Variants in KDM6A observed in about 807,000 individuals in gnomAD.
The protein encoded by KDM6A is lysine-specific demethylase 6A.
In KDM6A, 11 loss-of-function variants were observed where a neutral mutation model predicts 117.6. That is an observed-to-expected ratio of 0.09 (90% CI 0.06 to 0.15). KDM6A has a LOEUF of 0.15. Ranked by LOEUF, KDM6A falls within the 10% of genes least tolerant of loss-of-function variation. The pLI is 1.00. For synonymous variants in KDM6A, 384 were observed against 396.1 expected (o/e 0.97, Z 0.36); for missense variants, 799 against 1,077.3 (o/e 0.74, Z 3.62).
At chrX:44,983,833 C>G in intron 4 of KDM6A, among the ~76,000 whole-genome samples, 1 of 109,644 alleles carries the variant, frequency 9.1e-6, no homozygotes, top group Non-Finnish European at 1.9e-5. Flanking sequence ...GGGTTGGTTC[C>G]AAGTCTTTGC....
chrX:44,912,540 C>A (rs2035276326), intron 2 of KDM6A, among the ~76,000 whole-genome samples: 1 of 112,037 alleles, frequency 8.9e-6, no homozygotes, highest in Non-Finnish European at 1.9e-5. Flanking sequence ...TTGGGAAAAA[C>A]AGTGCTTCAG....
intron 8 of KDM6A, among the ~76,000 whole-genome samples, chrX:45,046,684 G>A (rs933707763): frequency 3.6e-5 from 4 of 111,764 alleles, no homozygotes; most frequent in African/African-American, 1.3e-4. Flanking sequence ...ACTTTTGTTA[G>A]GAGTTAGCTA....
At chrX:45,103,723 A>T (rs2046416168) in intron 27 of KDM6A, among the ~76,000 whole-genome samples, 1 of 111,763 alleles carries the variant, frequency 8.9e-6, no homozygotes, top group Non-Finnish European at 1.9e-5. Context: ...AGATTCTAGT[A>T]TATAACCTCA....
intron 4 of KDM6A, among the ~76,000 whole-genome samples, chrX:44,987,251 A>C (rs773951017): frequency 9.1e-6 from 1 of 110,430 alleles, no homozygotes; most frequent in Non-Finnish European, 1.9e-5. Context: ...TTTGTTTTCC[A>C]TTTGCTTGGT....
intron 4 of KDM6A, among the ~76,000 whole-genome samples, chrX:45,002,193 A>C (rs1345489551): frequency 1.8e-5 from 2 of 110,042 alleles, no homozygotes; most frequent in Non-Finnish European, 3.8e-5. Flanking sequence ...TTCCTGTATG[A>C]TTTTTATACT....
At chrX:45,084,535 T>A (rs1404391385) in intron 24 of KDM6A, among the ~76,000 whole-genome samples, 3 of 111,751 alleles carry the variant, frequency 2.7e-5, no homozygotes, top group Admixed American at 9.5e-5. Flanking sequence ...GCTTAAGAAT[T>A]TTTTCAGAAT....
chrX:44,877,535 GTTTT>G (rs781316436), intron 2 of KDM6A, among the ~76,000 whole-genome samples: 1 of 99,842 alleles, frequency 1.0e-5, no homozygotes, highest in African/African-American at 3.6e-5. Context: ...AACCTTTTGG[GTTTT>G]TTTTTTTTTA....
intron 25 of KDM6A, among the ~76,000 whole-genome samples, chrX:45,088,098 AAAAG>A (rs1199519076): frequency 2.7e-5 from 3 of 111,331 alleles, no homozygotes; most frequent in African/African-American, 6.5e-5. Flanking sequence ...CTTTTGGATA[AAAAG>A]TTTTCTCTAA....
chrX:44,890,848 T>G (rs2033302151), intron 2 of KDM6A, among the ~76,000 whole-genome samples: 1 of 108,210 alleles, frequency 9.2e-6, no homozygotes, highest in Admixed American at 1.0e-4. Context: ...AGAGAGGAGG[T>G]TTCACCATGT....
intron 4 of KDM6A, among the ~76,000 whole-genome samples, chrX:44,990,465 G>T (rs894046307): frequency 3.6e-5 from 4 of 110,164 alleles, no homozygotes; most frequent in Non-Finnish European, 7.6e-5. Flanking sequence ...CAGGAGAATC[G>T]CTTGAACCCT....
At chrX:45,013,359 T>C (rs929247858) in intron 5 of KDM6A, among the ~76,000 whole-genome samples, 8 of 111,914 alleles carry the variant, frequency 7.1e-5, no homozygotes, top group African/African-American at 2.6e-4. Context: ...GGAGGAACTC[T>C]TCTGTTCTAC....
chrX:44,946,214 C>T (rs1295277482), intron 2 of KDM6A, among the ~76,000 whole-genome samples: 2 of 111,502 alleles, frequency 1.8e-5, no homozygotes, highest in Non-Finnish European at 3.8e-5. Context: ...CCTCAGTCTC[C>T]TGAGTAGCTG....
chrX:45,073,038 G>A (rs12013433), intron 18 of KDM6A, among the ~76,000 whole-genome samples: 23,526 of 108,125 alleles, frequency 0.22, 4,329 homozygotes, highest in African/African-American at 0.61. Flanking sequence ...CCACCCCACA[G>A]CAGGCCCCGG....
intron 2 of KDM6A, among the ~76,000 whole-genome samples, chrX:44,896,093 A>G (rs2146642609): frequency 9.9e-6 from 1 of 100,778 alleles, no homozygotes; most frequent in African/African-American, 3.7e-5. Flanking sequence ...TTTTTTTTTG[A>G]GACAGAGTCT....
At position 45,068,823 on chromosome X, in the gene KDM6A, T is replaced by TCTTTCTCTTTCTCTTTCC. The variant is rs1383547449; in HGVS notation, c.2080-751_2080-750insTCTTTCTCTTTCCCTTTC. ...CTCTTTCTCTTTCTCTTTCTCTTTC[T>TCTTTCTCTTTCTCTTTCC]CTTTCCCTTTCCCTTTCCCTTTCCC... On this transcript the variant is annotated intron_variant, in intron 17 of 29. Coordinates refer to ENST00000611820, the MANE Select transcript of KDM6A (RefSeq NM_001291415.2). Among the ~76,000 whole-genome samples the TCTTTCTCTTTCTCTTTCC allele has an allele frequency of 3.8e-3, 361 of 95,772 alleles. 3 individuals are homozygous for TCTTTCTCTTTCTCTTTCC. The highest frequency in any genetic ancestry group is 0.01 in the Middle Eastern group (2 of 193). 83.2% of individuals were successfully genotyped at this position (95,772 alleles called of 115,157 possible). A position where few individuals can be genotyped will look rare whatever the true frequency, so the allele number is the denominator to read the frequency against.
At chrX:45,080,954 C>T (rs755807832) in intron 21 of KDM6A, among the ~76,000 whole-genome samples, 2 of 111,764 alleles carry the variant, frequency 1.8e-5, no homozygotes, top group East Asian at 2.8e-4. Context: ...TTTTTTGAGA[C>T]GGAGTTTCGC....
rs1282095855 is a variant in KDM6A, at chrX:45,083,617, T to C, written c.3589+9T>C. The C allele has an allele frequency of 8.4e-7, 1 of 1,191,880 alleles. No homozygotes were observed. Among genetic ancestry groups the C allele is most frequent in the African/African-American group, 1.8e-5 (1 of 56,933 alleles). The stretch of plus-strand genomic sequence containing the variant: ...AGGGAGCAGAACACCAGGTAATTTG[T>C]ATGAACTAACATATCTTGTTAAAAT... On this transcript the variant is annotated intron_variant, in intron 24 of 29. Transcript: ENST00000611820.
In KDM6A at chrX:44,922,027, CCT is replaced by C. The variant is rs1467951730; in HGVS notation, c.226-39256_226-39255del. ...ATGCTGATAAAATTCATTGTGTGTG[CCT>C]TTTTTTTTTTTTTTTTTTTTTTTTT... On this transcript the variant is annotated intron_variant, in intron 2 of 29. Coordinates refer to ENST00000611820, the MANE Select transcript of KDM6A (RefSeq NM_001291415.2). Among the ~76,000 whole-genome samples the C allele has an allele frequency of 2.9e-3, 110 of 37,710 alleles. 45 individuals carry two copies. Among genetic ancestry groups the C allele is most frequent in the African/African-American group, 0.014 (102 of 7,524 alleles). The allele number at this position is 37,710 out of a possible 115,157, so 32.7% of individuals were successfully genotyped here. A position where few individuals can be genotyped will look rare whatever the true frequency, so the allele number is the denominator to read the frequency against.
intron 5 of KDM6A, among the ~76,000 whole-genome samples, chrX:45,011,322 A>G (rs1342399187): frequency 9.0e-6 from 1 of 111,343 alleles, no homozygotes; most frequent in Non-Finnish European, 1.9e-5. Context: ...GTGTTCCCCA[A>G]GTTATTTGAA....
Sources: allele counts gnomAD v4.1 joint callset (sites outside exome capture counted in the v4.1 genomes callset), GRCh38; gene constraint gnomAD v4.1.1; transcripts MANE v1.5; gene names NCBI Gene and HGNC (gene_info 2026-07-23, HGNC 2026-07-21).